The following CCDC63 variants were observed in gnomAD, a reference collection of about 807,000 sequenced individuals.
The protein encoded by CCDC63 is coiled-coil domain-containing protein 63.
In CCDC63, 54 loss-of-function variants were observed where a neutral mutation model predicts 63.6. The observed-to-expected ratio is 0.85, with a 90% CI of 0.68 to 1.07. The LOEUF is 1.07. CCDC63 is among the 50% of genes least tolerant of loss of function. The probability of loss-of-function intolerance (pLI) is 0.00; values close to 1 mark genes in which losing one functional copy is unlikely to be tolerated. For synonymous variants in CCDC63, 253 were observed against 266.1 expected (o/e 0.95, Z 0.48); for missense variants, 637 against 689.6 (o/e 0.92, Z 0.86).
At chr12:110,891,653 A>G (rs1054251403) in intron 8 of CCDC63, among the ~76,000 whole-genome samples, 18 of 143,666 alleles carry the variant, frequency 1.3e-4, no homozygotes, top group South Asian at 8.7e-4. Flanking sequence ...AAAAAAAAAA[A>G]AAGAAGAAGA....
intron 4 of CCDC63, among the ~76,000 whole-genome samples, chr12:110,868,736 A>AGGGG (rs1566123183): frequency 2.2e-4 from 7 of 31,156 alleles, no homozygotes; most frequent in Non-Finnish European, 4.1e-4. Flanking sequence ...AGAGGGAGGG[A>AGGGG]GAGGGAGAGG....
intron 1 of CCDC63, among the ~76,000 whole-genome samples, chr12:110,847,925 C>T (rs1398328632): frequency 6.6e-6 from 1 of 152,234 alleles, no homozygotes; most frequent in Non-Finnish European, 1.5e-5. Flanking sequence ...TTCATTCAAA[C>T]TGTATTTGCC....
chr12:110,867,756 C>G (rs1295200774), intron 4 of CCDC63, among the ~76,000 whole-genome samples: 19 of 132,900 alleles, frequency 1.4e-4, no homozygotes, highest in African/African-American at 5.5e-4. Flanking sequence ...GGGGGGCTGA[C>G]CCCCCCATCT....
At chr12:110,846,590 C>T (rs2070639593), upstream of CCDC63, among the ~76,000 whole-genome samples, 1 of 151,840 alleles carries the variant, frequency 6.6e-6, no homozygotes, top group Non-Finnish European at 1.5e-5. Flanking sequence ...AAAAACTGGG[C>T]TCCTTTGAGT....
chr12:110,864,484 G>T (rs1377186100), intron 4 of CCDC63, among the ~76,000 whole-genome samples: 1 of 151,724 alleles, frequency 6.6e-6, no homozygotes, highest in African/African-American at 2.4e-5. Context: ...AGCACTTTGG[G>T]AGGCTGCGGT....
At chr12:110,891,472 G>C (rs962875842) in intron 8 of CCDC63, among the ~76,000 whole-genome samples, 1 of 151,706 alleles carries the variant, frequency 6.6e-6, no homozygotes, top group African/African-American at 2.4e-5. Context: ...GCAACATAGT[G>C]AGACTCCGTG....
intron 3 of CCDC63, 43 bp from the exon 4 acceptor site, chr12:110,858,543 A>C (rs1246194162): frequency 8.3e-6 from 13 of 1,561,806 alleles, no homozygotes; most frequent in Non-Finnish European, 9.5e-6. Context: ...CGTCAAGTTA[A>C]ACTTAGGGGT....
chr12:110,880,848 G>GTGATGA (rs2071196508), intron 6 of CCDC63, among the ~76,000 whole-genome samples: 1 of 94,162 alleles, frequency 1.1e-5, no homozygotes, highest in African/African-American at 3.9e-5. Flanking sequence ...GATGGTGATA[G>GTGATGA]TGGTAATGGT....
chr12:110,887,579 C>A (rs1277399132), intron 8 of CCDC63, among the ~76,000 whole-genome samples: 1 of 152,000 alleles, frequency 6.6e-6, no homozygotes, highest in East Asian at 1.9e-4. Context: ...GGGACCCTAC[C>A]TTTTTGCCTT....
intron 5 of CCDC63, among the ~76,000 whole-genome samples, chr12:110,875,549 A>G (rs925866789): frequency 2.0e-5 from 3 of 151,416 alleles, no homozygotes; most frequent in East Asian, 3.9e-4. Flanking sequence ...TTTTTGTTCT[A>G]AGTCTATTCA....
At chr12:110,855,503 A>G (rs371095215) in intron 3 of CCDC63, among the ~76,000 whole-genome samples, 115 of 152,294 alleles carry the variant, frequency 7.6e-4, no homozygotes, top group African/African-American at 2.5e-3. Flanking sequence ...TACTAAGTCA[A>G]TCCATTTGAT....
At chr12:110,867,867 C>T (rs79173255) in intron 4 of CCDC63, among the ~76,000 whole-genome samples, 9,982 of 148,600 alleles carry the variant, frequency 0.067, 195 homozygotes, top group South Asian at 0.14. Context: ...GGGTGGCTGC[C>T]AGGTGGAGAC....
intron 10 of CCDC63, 45 bp from the exon 11 acceptor site, chr12:110,904,543 C>T: frequency 6.3e-7 from 1 of 1,583,546 alleles, no homozygotes; most frequent in East Asian, 2.2e-5. Context: ...GCCCCCAGGC[C>T]CAGGTCTCTC....
chr12:110,897,496 G>A (rs929616708), intron 9 of CCDC63, among the ~76,000 whole-genome samples: 3 of 151,884 alleles, frequency 2.0e-5, no homozygotes, highest in African/African-American at 4.8e-5. Context: ...TGCTCATGAG[G>A]CTGAGGCAGG....
intron 2 of CCDC63, 50 bp from the exon 3 acceptor site, chr12:110,853,355 T>C: frequency 6.4e-7 from 1 of 1,566,920 alleles, no homozygotes; most frequent in Non-Finnish European, 8.6e-7. Context: ...TGTGGGCTTC[T>C]CTAGCCACCT....
At chr12:110,856,950 G>C (rs928041042) in intron 3 of CCDC63, among the ~76,000 whole-genome samples, 9 of 149,828 alleles carry the variant, frequency 6.0e-5, no homozygotes, top group Non-Finnish European at 8.9e-5. Flanking sequence ...CTGGGCTCAA[G>C]CAATCCTCCC....
intron 4 of CCDC63, among the ~76,000 whole-genome samples, chr12:110,867,942 G>A (rs2070996795): frequency 6.7e-6 from 1 of 148,766 alleles, no homozygotes; most frequent in Non-Finnish European, 1.5e-5. Context: ...AGACGGGGCA[G>A]CTGCCGGGCG....
intron 4 of CCDC63, among the ~76,000 whole-genome samples, chr12:110,860,152 G>A (rs1461814331): frequency 1.3e-5 from 2 of 152,214 alleles, no homozygotes; most frequent in African/African-American, 4.8e-5. Context: ...CGGGGGAGGG[G>A]GCAGTGGTCT....
chr12:110,889,374 G>A lies in CCDC63; in HGVS notation c.1075-3702G>A, dbSNP rs529787711. Reference sequence around the variant, plus strand: ...AAGTTAGAAAGGGAGATGCAGTGTGGGTAAAAAGATGAAGTCGCACAGCGT... The same window carrying A: ...AAGTTAGAAAGGGAGATGCAGTGTGAGTAAAAAGATGAAGTCGCACAGCGT... On this transcript the variant is annotated intron_variant, in intron 8 of 11. Coordinates refer to ENST00000308208, the MANE Select transcript of CCDC63 (RefSeq NM_152591.3). The surrounding 1 kb of genome is among the most constrained non-coding windows in gnomAD (Gnocchi z 4.1). Among the ~76,000 whole-genome samples, 19 of 152,234 alleles carry A rather than the reference G, an allele frequency of 1.2e-4. No homozygotes were observed. The highest frequency in any genetic ancestry group is 4.1e-4 in the African/African-American group (17 of 41,540).
Sources: allele counts gnomAD v4.1 joint callset (sites outside exome capture counted in the v4.1 genomes callset), GRCh38; gene constraint gnomAD v4.1.1; non-coding constraint Gnocchi (gnomAD v3.1); transcripts MANE v1.5; gene names NCBI Gene and HGNC (gene_info 2026-07-23, HGNC 2026-07-21).